The following DRC9 variants were observed in gnomAD, a reference collection of about 807,000 sequenced individuals.
The protein encoded by DRC9 is dynein regulatory complex subunit 9.
At chr3:197,950,774 CCGGACCCTG>C in the DRC9 span, 27 of 643,764 alleles carry the variant, frequency 4.2e-5, no homozygotes, top group East Asian at 6.8e-4. Flanking sequence ...GAATGTCTTG[CCGGACCCTG>C]CGTTTCATAT....
At chr3:197,952,441 T>G in the DRC9 span, 3 of 152,238 alleles carry the variant, frequency 2.0e-5, no homozygotes, top group Non-Finnish European at 4.4e-5. Flanking sequence ...GTGCTGGGAT[T>G]ACAGGCAGGA....
chr3:197,943,841 G>T, the DRC9 span: 33 of 1,613,988 alleles, frequency 2.0e-5, 1 homozygote, highest in South Asian at 3.4e-4. Context: ...TAGAGAGCTG[G>T]TCTGTGGTGT....
At chr3:197,914,148 T>A in the DRC9 span, 1 of 944,004 alleles carries the variant, frequency 1.1e-6, no homozygotes, top group Non-Finnish European at 1.7e-6. Flanking sequence ...AATAAGGAAC[T>A]GGAACTATTT....
the DRC9 span, among the ~76,000 whole-genome samples, chr3:197,934,948 G>C: frequency 6.6e-6 from 1 of 152,026 alleles, no homozygotes; most frequent in Non-Finnish European, 1.5e-5. Flanking sequence ...TCCTGCCTGA[G>C]TGACAGAGTG....
At chr3:197,906,423 A>C in the DRC9 span, 1 of 152,172 alleles carries the variant, frequency 6.6e-6, no homozygotes, top group South Asian at 2.1e-4. Flanking sequence ...TCAATGGACA[A>C]AAAAACTGTT....
chr3:197,896,720 C>T, the DRC9 span, among the ~76,000 whole-genome samples: 37 of 152,192 alleles, frequency 2.4e-4, no homozygotes, highest in South Asian at 2.3e-3. Flanking sequence ...CTTCACTTGG[C>T]GGAATGGGAA....
At chr3:197,955,600 TTC>T in the DRC9 span, 1 of 728,306 alleles carries the variant, frequency 1.4e-6, no homozygotes, top group Non-Finnish European at 2.5e-6. Flanking sequence ...TTACGGTATG[TTC>T]ACGTAGAGAC....
At chr3:197,933,789 T>TGTA in the DRC9 span, among the ~76,000 whole-genome samples, 1 of 152,098 alleles carries the variant, frequency 6.6e-6, no homozygotes, top group South Asian at 2.1e-4. Flanking sequence ...AAATAATACA[T>TGTA]GTAGTTTTAC....
chr3:197,932,405 C>A, the DRC9 span: 2 of 808,296 alleles, frequency 2.5e-6, no homozygotes, highest in Non-Finnish European at 3.8e-6. Flanking sequence ...GAGGCTGAGG[C>A]AGGCGGATCA....
chr3:197,923,725 G>C, the DRC9 span, among the ~76,000 whole-genome samples: 2 of 151,894 alleles, frequency 1.3e-5, no homozygotes, highest in African/African-American at 4.8e-5. Flanking sequence ...GTGAGACCGT[G>C]TCTCAAAAAC....
chr3:197,906,200 G>A, the DRC9 span, among the ~76,000 whole-genome samples: 5 of 152,132 alleles, frequency 3.3e-5, no homozygotes, highest in African/African-American at 1.2e-4. Flanking sequence ...CTCACTGTCC[G>A]GTCACCAGAG....
At chr3:197,908,504 C>T in the DRC9 span, among the ~76,000 whole-genome samples, 6 of 134,972 alleles carry the variant, frequency 4.4e-5, no homozygotes, top group Non-Finnish European at 9.5e-5. Flanking sequence ...GACTGTACCA[C>T]GTCTGAAGAG....
At chr3:197,921,662 C>T in the DRC9 span, among the ~76,000 whole-genome samples, 2 of 149,456 alleles carry the variant, frequency 1.3e-5, no homozygotes, top group Non-Finnish European at 1.5e-5. Flanking sequence ...GGGATTTCAC[C>T]TGGTTTCATC....
chr3:197,931,066 A>G, the DRC9 span, among the ~76,000 whole-genome samples: 1 of 152,126 alleles, frequency 6.6e-6, no homozygotes, highest in South Asian at 2.1e-4. Flanking sequence ...GAAAAGAAAG[A>G]AAGAGTTGGA....
chr3:197,897,105 T>C, the DRC9 span, among the ~76,000 whole-genome samples: 3 of 152,112 alleles, frequency 2.0e-5, no homozygotes, highest in Non-Finnish European at 2.9e-5. Flanking sequence ...GAAAAATATT[T>C]CATTACTACA....
chr3:197,951,494 A>G, the DRC9 span: 1 of 640,112 alleles, frequency 1.6e-6, no homozygotes, highest in Non-Finnish European at 2.7e-6. Context: ...CTGGGATTAC[A>G]GGCGCCGGCC....
At chr3:197,919,750 G>A in the DRC9 span, among the ~76,000 whole-genome samples, 2 of 152,272 alleles carry the variant, frequency 1.3e-5, no homozygotes, top group Admixed American at 6.5e-5. Context: ...AGTACAGAAC[G>A]GAGTACTGGT....
chr3:197,929,078 A>G, the DRC9 span, among the ~76,000 whole-genome samples: 1 of 152,198 alleles, frequency 6.6e-6, no homozygotes, highest in Non-Finnish European at 1.5e-5. The surrounding 1 kb of genome is among the most constrained non-coding windows in gnomAD (Gnocchi z 4.6). Context: ...TGGTTGAACC[A>G]AGGATTTGGA....
At chr3:197,914,837 C>T in the DRC9 span, among the ~76,000 whole-genome samples, 21 of 152,056 alleles carry the variant, frequency 1.4e-4, no homozygotes, top group African/African-American at 2.2e-4. Flanking sequence ...ATGGCTCATT[C>T]GATACCTGAA....
Sources: allele counts gnomAD v4.1 joint callset (sites outside exome capture counted in the v4.1 genomes callset), GRCh38; gene constraint gnomAD v4.1.1; non-coding constraint Gnocchi (gnomAD v3.1); transcripts MANE v1.5; gene names NCBI Gene and HGNC (gene_info 2026-07-23, HGNC 2026-07-21).